The following GRIK3 variants were observed in gnomAD, a reference collection of about 807,000 sequenced individuals.
GRIK3 encodes glutamate ionotropic receptor kainate type subunit 3.
In GRIK3, 29 loss-of-function variants were observed where a neutral mutation model predicts 102.5. That is an observed-to-expected ratio of 0.28 (90% CI 0.21 to 0.39). The LOEUF (loss-of-function observed/expected upper bound fraction) is 0.39. Among genes scored for constraint, GRIK3 ranks in the 10% least tolerant of loss-of-function variants. The pLI is 1.00. For synonymous variants in GRIK3, 511 were observed against 504.9 expected, an observed-to-expected ratio of 1.01 and a Z score of -0.16; for missense variants, 908 against 1,252.4, an observed-to-expected ratio of 0.73 and a Z score of 4.15.
chr1:36,856,742 G>A (rs1640657194), intron 7 of GRIK3, among the ~76,000 whole-genome samples: 2 of 152,200 alleles, frequency 1.3e-5, no homozygotes, highest in Admixed American at 1.3e-4. Context: ...GCCTGGGAAG[G>A]AGAATGGAGC....
intron 1 of GRIK3, among the ~76,000 whole-genome samples, chr1:36,941,919 C>G (rs969285688): frequency 6.6e-6 from 1 of 152,146 alleles, no homozygotes; most frequent in Non-Finnish European, 1.5e-5. Flanking sequence ...GTAGCCTATC[C>G]CCCCCTCACC....
At chr1:36,825,373 C>G (rs919305418) in intron 11 of GRIK3, among the ~76,000 whole-genome samples, 2 of 152,136 alleles carry the variant, frequency 1.3e-5, no homozygotes, top group Non-Finnish European at 2.9e-5. Context: ...GTTATAGACA[C>G]AGACGAGGGT....
chr1:36,882,277 G>C (rs866516183), intron 2 of GRIK3, among the ~76,000 whole-genome samples: 3 of 152,306 alleles, frequency 2.0e-5, no homozygotes, highest in Middle Eastern at 3.4e-3. Flanking sequence ...AAACAGTTCA[G>C]GTTCTTGCAG....
At chr1:37,004,139 G>A (rs895688320) in intron 1 of GRIK3, among the ~76,000 whole-genome samples, 1 of 152,018 alleles carries the variant, frequency 6.6e-6, no homozygotes, top group Non-Finnish European at 1.5e-5. Context: ...CACATCAGAG[G>A]GCAGAAGAAA....
chr1:37,000,105 G>A (rs1325870212), intron 1 of GRIK3, among the ~76,000 whole-genome samples: 1 of 152,186 alleles, frequency 6.6e-6, no homozygotes, highest in East Asian at 1.9e-4. Flanking sequence ...AGGCCCAGGA[G>A]TTTTGCTCTT....
intron 1 of GRIK3, among the ~76,000 whole-genome samples, chr1:36,931,037 G>A (rs1245845838): frequency 6.6e-6 from 1 of 152,190 alleles, no homozygotes; most frequent in Non-Finnish European, 1.5e-5. Flanking sequence ...TGCGGGGCCT[G>A]CCTTTCTGGT....
intron 10 of GRIK3, among the ~76,000 whole-genome samples, chr1:36,841,474 G>A (rs528766183): frequency 9.2e-5 from 14 of 152,320 alleles, no homozygotes; most frequent in African/African-American, 2.2e-4. Flanking sequence ...CAGTGGGGCC[G>A]GCTCTGAATC....
At chr1:36,841,714 C>G (rs1177460391) in intron 10 of GRIK3, 22 bp downstream of exon 10, 1 of 1,601,160 alleles carries the variant, frequency 6.2e-7, no homozygotes, top group Non-Finnish European at 8.6e-7. Context: ...CTGAGCCCTC[C>G]CATGCTCCCA....
intron 1 of GRIK3, among the ~76,000 whole-genome samples, chr1:36,951,486 T>C (rs1397014317): frequency 3.3e-5 from 5 of 152,228 alleles, no homozygotes; most frequent in African/African-American, 9.6e-5. Flanking sequence ...GGGGACCAAG[T>C]GGCCAGAGCC....
intron 11 of GRIK3, among the ~76,000 whole-genome samples, chr1:36,823,404 G>T (rs61769769): frequency 0.18 from 26,650 of 146,166 alleles, 2,752 homozygotes; most frequent in African/African-American, 0.29. Flanking sequence ...AACCCGGGAG[G>T]CAGAGCTTGC....
chr1:36,921,370 A>C (rs978023422), intron 1 of GRIK3, among the ~76,000 whole-genome samples: 1 of 152,174 alleles, frequency 6.6e-6, no homozygotes, highest in Non-Finnish European at 1.5e-5. Flanking sequence ...TCCTTACTAC[A>C]GATCTGGGGG....
intron 1 of GRIK3, among the ~76,000 whole-genome samples, chr1:36,990,832 A>G (rs948821110): frequency 1.3e-5 from 2 of 152,046 alleles, no homozygotes; most frequent in Non-Finnish European, 2.9e-5. Flanking sequence ...CCCTGGAGAT[A>G]GGACAGCTGG....
intron 2 of GRIK3, among the ~76,000 whole-genome samples, chr1:36,887,457 A>G (rs887462604): frequency 6.6e-6 from 1 of 152,168 alleles, no homozygotes; most frequent in African/African-American, 2.4e-5. Flanking sequence ...ATGCAATAAT[A>G]TATAAATCAA....
intron 1 of GRIK3, among the ~76,000 whole-genome samples, chr1:36,999,189 A>C (rs747931305): frequency 1.5e-4 from 23 of 151,962 alleles, no homozygotes; most frequent in Non-Finnish European, 2.6e-4. Flanking sequence ...TTACACATGG[A>C]GGGAACCCCA....
At position 36,859,099 on chromosome 1, in the gene GRIK3, G is replaced by A; in HGVS notation, c.1104+9C>T. 1.3e-6 allele frequency: 2 copies of A among 1,598,988 alleles called. No individual in the cohort carries two copies. The highest frequency in any genetic ancestry group is 1.7e-6 in the Non-Finnish European group (2 of 1,169,814). ...GAGACAACACTGGTGGGGGCTGTGG[G>A]GCACTCACCTCCTTGATGAAGTTCA... On this transcript the variant is annotated intron_variant, in intron 7 of 15. Coordinates refer to ENST00000373091, the MANE Select transcript of GRIK3 (RefSeq NM_000831.4).
intron 1 of GRIK3, among the ~76,000 whole-genome samples, chr1:36,927,826 G>T (rs903207543): frequency 6.6e-6 from 1 of 152,120 alleles, no homozygotes; most frequent in Non-Finnish European, 1.5e-5. Flanking sequence ...AGAGTGTGAG[G>T]CTCCCCGAGA....
chr1:36,845,478 C>A (rs1179698370), intron 9 of GRIK3, among the ~76,000 whole-genome samples: 1 of 152,216 alleles, frequency 6.6e-6, no homozygotes, highest in Non-Finnish European at 1.5e-5. Context: ...TAGCGCTAAG[C>A]CTCTCCCAGT....
intron 5 of GRIK3, among the ~76,000 whole-genome samples, chr1:36,865,603 C>T (rs570629659): frequency 6.6e-6 from 1 of 152,328 alleles, no homozygotes; most frequent in African/African-American, 2.4e-5. Context: ...GGAGACCCCG[C>T]CCCATACTCC....
intron 1 of GRIK3, among the ~76,000 whole-genome samples, chr1:37,005,816 G>A (rs1358569731): frequency 1.3e-5 from 2 of 152,190 alleles, no homozygotes; most frequent in Admixed American, 6.5e-5. Context: ...CTCTGTCCCC[G>A]TGGAGTTAAC....
Sources: allele counts gnomAD v4.1 joint callset (sites outside exome capture counted in the v4.1 genomes callset), GRCh38; gene constraint gnomAD v4.1.1; transcripts MANE v1.5; gene names NCBI Gene and HGNC (gene_info 2026-07-23, HGNC 2026-07-21).